The following AGBL1 variants were observed in gnomAD, a reference collection of about 807,000 sequenced individuals.
AGBL1 encodes AGBL carboxypeptidase 1.
In AGBL1, 130 loss-of-function variants were observed where a neutral mutation model predicts 118.9. The ratio of observed to expected loss-of-function variants is 1.09; its 90% CI spans 0.95 to 1.26. The LOEUF (loss-of-function observed/expected upper bound fraction) is 1.26. Among genes scored for constraint, AGBL1 ranks in the 50% most tolerant of loss-of-function variants. The probability of loss-of-function intolerance (pLI) is 0.00; values close to 1 mark genes in which losing one functional copy is unlikely to be tolerated. For missense variants in AGBL1, 1,584 were observed against 1,298.1 expected, an observed-to-expected ratio of 1.22 and a Z score of -3.38; for synonymous variants, 555 against 478.9, an observed-to-expected ratio of 1.16 and a Z score of -2.08.
At chr15:86,810,034 G>T (rs1369531990) in intron 22 of AGBL1, among the ~76,000 whole-genome samples, 2 of 152,122 alleles carry the variant, frequency 1.3e-5, no homozygotes, top group Non-Finnish European at 2.9e-5. Context: ...CATTAATTCA[G>T]CCCTGGGTTC....
At chr15:86,271,042 C>CCTT (rs1567169858) in intron 14 of AGBL1, among the ~76,000 whole-genome samples, 1 of 66,688 alleles carries the variant, frequency 1.5e-5, no homozygotes, top group Non-Finnish European at 2.7e-5. Flanking sequence ...AGTCACGTTG[C>CCTT]ATTTTTTTTT....
At chr15:86,918,534 T>A (rs1195999086), downstream of AGBL1, among the ~76,000 whole-genome samples, 1 of 118,348 alleles carries the variant, frequency 8.4e-6, no homozygotes, top group Non-Finnish European at 2.0e-5. Context: ...GGAGACCCAG[T>A]CTCAAAAAAT....
chr15:86,095,346 A>G (rs1308836460), intron 1 of AGBL1, among the ~76,000 whole-genome samples: 1 of 152,156 alleles, frequency 6.6e-6, no homozygotes, highest in Non-Finnish European at 1.5e-5. Context: ...GGTGAGGCTG[A>G]AAGTTCCAAC....
At chr15:86,185,701 A>G (rs2077620934) in intron 5 of AGBL1, among the ~76,000 whole-genome samples, 1 of 151,732 alleles carries the variant, frequency 6.6e-6, no homozygotes, top group African/African-American at 2.4e-5. Flanking sequence ...GTGGGAATTG[A>G]ACAATGAGAA....
chr15:86,405,068 G>A (rs1160904192), intron 18 of AGBL1, among the ~76,000 whole-genome samples: 2 of 152,172 alleles, frequency 1.3e-5, no homozygotes, highest in Non-Finnish European at 2.9e-5. Flanking sequence ...GAGGCCAGAG[G>A]AGACAAGTGG....
At chr15:86,794,586 A>T (rs1277608269) in intron 22 of AGBL1, among the ~76,000 whole-genome samples, 1 of 152,216 alleles carries the variant, frequency 6.6e-6, no homozygotes, top group Non-Finnish European at 1.5e-5. Context: ...ACAGTACTTT[A>T]CAATGATTAA....
At chr15:86,657,900 G>A (rs1399062008) in intron 21 of AGBL1, among the ~76,000 whole-genome samples, 1 of 151,972 alleles carries the variant, frequency 6.6e-6, no homozygotes, top group Non-Finnish European at 1.5e-5. Flanking sequence ...AGGTTTAGGG[G>A]AGCTAAGTTA....
chr15:86,650,568 G>A (rs1015391698), intron 21 of AGBL1, among the ~76,000 whole-genome samples: 2 of 152,054 alleles, frequency 1.3e-5, no homozygotes, highest in Non-Finnish European at 2.9e-5. Context: ...GAATTCTATT[G>A]CTTGTTTTTC....
At chr15:86,999,515 T>C (rs2081413990) in intron 24 of AGBL1, among the ~76,000 whole-genome samples, 2 of 147,546 alleles carry the variant, frequency 1.4e-5, no homozygotes, top group Admixed American at 6.7e-5. Context: ...CTGAGAATGA[T>C]GATTTCCAAT....
At chr15:86,296,247 A>G (rs1188542463) in intron 17 of AGBL1, 1 of 152,118 alleles carries the variant, frequency 6.6e-6, no homozygotes, top group Non-Finnish European at 1.5e-5. Flanking sequence ...ACAAAAAAAA[A>G]ACACCCAAAG....
intron 22 of AGBL1, among the ~76,000 whole-genome samples, chr15:86,774,903 G>T (rs1347216496): frequency 6.6e-6 from 1 of 152,118 alleles, no homozygotes; most frequent in Non-Finnish European, 1.5e-5. Flanking sequence ...AAAATGCCAT[G>T]CTAAGGAGTG....
At chr15:86,944,592 C>A (rs2080794242) in intron 23 of AGBL1, among the ~76,000 whole-genome samples, 1 of 152,028 alleles carries the variant, frequency 6.6e-6, no homozygotes, top group Non-Finnish European at 1.5e-5. Flanking sequence ...CACAGTAGAA[C>A]TGAAAGAGGA....
intron 22 of AGBL1, among the ~76,000 whole-genome samples, chr15:86,790,894 T>C (rs896102856): frequency 2.0e-5 from 3 of 150,598 alleles, no homozygotes; most frequent in African/African-American, 7.3e-5. Context: ...TTGTAATCAG[T>C]CCCAAACACT....
Position 86,882,148 on chromosome 15 carries a change from G to A in AGBL1, c.3159-24939G>A, listed in dbSNP as rs959676180. On this transcript the variant is annotated intron_variant, in intron 22 of 22. Transcript: ENST00000614907. ...GGTCTAACACAGGTCACCATGACAC[G>A]GCTACCTAGTTCTCGAGTCTGTGTT... Among the ~76,000 whole-genome samples the A allele has an allele frequency of 5.9e-5, 9 of 152,118 alleles. No individual in the cohort carries two copies. In the East Asian group the frequency reaches 1.5e-3, roughly 26 times the overall value.
rs1230141343 is a variant in AGBL1, at chr15:86,909,935, C to T, written c.*2641C>T. ...CAGGAACATGAAGTATTTGTTGATC[C>T]ATCTATGTAACAAATGTATATTTAA... On this transcript the variant is annotated 3_prime_UTR_variant, in exon 23 of 23. Transcript: ENST00000614907. 6.6e-6 allele frequency: 1 copy of T among 152,166 alleles called. No homozygotes were observed. The highest frequency in any genetic ancestry group is 1.5e-5 in the Non-Finnish European group (1 of 68,034). 9.4% of individuals were successfully genotyped at this position (152,166 alleles called of 1,614,324 possible).
At chr15:86,651,032 T>C (rs549297306) in intron 21 of AGBL1, among the ~76,000 whole-genome samples, 46 of 152,332 alleles carry the variant, frequency 3.0e-4, no homozygotes, top group African/African-American at 1.0e-3. Flanking sequence ...ATTCTGATAT[T>C]ACTCACTGAA....
At chr15:86,467,332 T>C (rs2082420460) in intron 18 of AGBL1, among the ~76,000 whole-genome samples, 1 of 152,198 alleles carries the variant, frequency 6.6e-6, no homozygotes, top group Non-Finnish European at 1.5e-5. Context: ...CCCACCAAGC[T>C]TGATCATCCA....
chr15:86,430,126 G>A (rs926075351), intron 18 of AGBL1, among the ~76,000 whole-genome samples: 2 of 152,176 alleles, frequency 1.3e-5, no homozygotes, highest in African/African-American at 2.4e-5. Context: ...TACTTTCAGT[G>A]CATATGTTTT....
chr15:86,448,038 CGGAGGGTGTGGTG>C (rs2082145856), intron 18 of AGBL1, among the ~76,000 whole-genome samples: 12 of 151,472 alleles, frequency 7.9e-5, no homozygotes, highest in Admixed American at 6.6e-5. Context: ...CCAGCTGTTC[CGGAGGGTGTGGTG>C]GGAGGGTCAC....
Sources: gnomAD v4.1 joint callset for allele counts (sites outside exome capture counted in the v4.1 genomes callset) on GRCh38, gnomAD v4.1.1 for gene constraint, MANE v1.5 for transcripts, NCBI Gene and HGNC (gene_info 2026-07-23, HGNC 2026-07-21) for gene names.